Variants in GATAD2A observed in about 807,000 individuals in gnomAD.
GATAD2A encodes the protein transcriptional repressor p66-alpha.
In GATAD2A, 12 loss-of-function variants were observed where a neutral mutation model predicts 68.5. The ratio of observed to expected loss-of-function variants is 0.18; its 90% CI spans 0.11 to 0.28. The LOEUF is 0.28. GATAD2A is among the 10% of genes least tolerant of loss of function. GATAD2A has a pLI of 1.00. For synonymous variants in GATAD2A, 410 were observed against 375.3 expected (o/e 1.09, Z -1.07); for missense variants, 755 against 868.5 (o/e 0.87, Z 1.64).
upstream of GATAD2A, among the ~76,000 whole-genome samples, chr19:19,403,252 G>T (rs1348990365): frequency 6.6e-6 from 1 of 152,012 alleles, no homozygotes; most frequent in Non-Finnish European, 1.5e-5. Context: ...CCAGCACTGG[G>T]CACTGAGGCT....
At chr19:19,495,975 G>C in intron 6 of GATAD2A, 77 bp from the exon 7 acceptor site, 1 of 1,579,688 alleles carries the variant, frequency 6.3e-7, no homozygotes, top group Non-Finnish European at 8.7e-7. Context: ...TTGGGGGCAA[G>C]GTGCCCTGTG....
chr19:19,440,984 C>A (rs1234601139), intron 1 of GATAD2A, among the ~76,000 whole-genome samples: 1 of 103,678 alleles, frequency 9.6e-6, no homozygotes, highest in Non-Finnish European at 2.1e-5. Flanking sequence ...TCCTTTCCTT[C>A]CTTTCCTTCC....
At chr19:19,499,365 T>C (rs1227751325) in intron 8 of GATAD2A, among the ~76,000 whole-genome samples, 1 of 151,882 alleles carries the variant, frequency 6.6e-6, no homozygotes, top group Non-Finnish European at 1.5e-5. Flanking sequence ...GTGACACGAG[T>C]AGGCCAGGAG....
chr19:19,489,152 G>A (rs2059624163), intron 2 of GATAD2A, among the ~76,000 whole-genome samples: 1 of 152,166 alleles, frequency 6.6e-6, no homozygotes, highest in Non-Finnish European at 1.5e-5. Context: ...TTTCATTTTA[G>A]AAACTTAGAG....
chr19:19,451,888 C>G (rs2147830135), intron 1 of GATAD2A, among the ~76,000 whole-genome samples: 1 of 152,310 alleles, frequency 6.6e-6, no homozygotes, highest in East Asian at 1.9e-4. Context: ...CCCCTTTGCC[C>G]AGGCTGCAGT....
intron 2 of GATAD2A, among the ~76,000 whole-genome samples, chr19:19,469,842 G>C (rs542336920): frequency 6.6e-6 from 1 of 152,222 alleles, no homozygotes; most frequent in African/African-American, 2.4e-5. Context: ...AGCTACTTGG[G>C]AGGCTGAGGC....
intron 1 of GATAD2A, among the ~76,000 whole-genome samples, chr19:19,409,275 T>TC (rs989240914): frequency 2.6e-5 from 4 of 152,002 alleles, no homozygotes; most frequent in South Asian, 2.1e-4. Flanking sequence ...TCTAGACCTT[T>TC]CCCCCCCATA....
chr19:19,386,752 C>A (rs918920044), intron 1 of GATAD2A, among the ~76,000 whole-genome samples: 1 of 152,176 alleles, frequency 6.6e-6, no homozygotes, highest in Non-Finnish European at 1.5e-5. Context: ...GCTCCCCCGC[C>A]TCTCTGAGGA....
intron 2 of GATAD2A, among the ~76,000 whole-genome samples, chr19:19,476,777 G>A (rs2058703734): frequency 6.6e-6 from 1 of 152,194 alleles, no homozygotes; most frequent in Non-Finnish European, 1.5e-5. Context: ...GATCCCAGGT[G>A]GGACAGGCAG....
At chr19:19,464,440 C>T (rs1262790227) in intron 1 of GATAD2A, among the ~76,000 whole-genome samples, 4 of 152,216 alleles carry the variant, frequency 2.6e-5, no homozygotes, top group Non-Finnish European at 2.9e-5. Flanking sequence ...GTGTCCCAGA[C>T]CCTGCTGTGG....
intron 2 of GATAD2A, among the ~76,000 whole-genome samples, chr19:19,491,385 C>T (rs2059780424): frequency 6.6e-6 from 1 of 152,154 alleles, no homozygotes; most frequent in Non-Finnish European, 1.5e-5. Context: ...AGGTCAAGTT[C>T]ACAGGTGGAA....
chr19:19,495,673 A>G (rs937774672), intron 5 of GATAD2A, 81 bp from the exon 6 acceptor site: 37 of 961,748 alleles, frequency 3.8e-5, no homozygotes, highest in Non-Finnish European at 4.8e-5. Flanking sequence ...GTACTTTCAT[A>G]AAAGCAGCAA....
At chr19:19,393,131 C>G (rs927204255) in intron 1 of GATAD2A, among the ~76,000 whole-genome samples, 3 of 152,068 alleles carry the variant, frequency 2.0e-5, no homozygotes, top group Admixed American at 2.0e-4. Flanking sequence ...ATGGCAAAAC[C>G]CTGTCTACTA....
At chr19:19,427,006 TGAG>T (rs1189114336) in intron 1 of GATAD2A, among the ~76,000 whole-genome samples, 1 of 152,240 alleles carries the variant, frequency 6.6e-6, no homozygotes, top group South Asian at 2.1e-4. Context: ...GGCTCTGCCT[TGAG>T]GACATTATGC....
rs373125499 is a variant in GATAD2A at position 19,501,984 on chromosome 19, C to T, written c.1519C>T (p.Arg507Cys). The T allele has an allele frequency of 4.1e-5, 66 of 1,613,766 alleles. No homozygotes were observed. The highest frequency in any genetic ancestry group is 1.2e-4 in the African/African-American group (9 of 74,914). Residue 507 changes from arginine (R) to cysteine (C), a missense_variant, in exon 10 of 12, where the codon CGT (arginine) becomes TGT (cysteine). Transcript: ENST00000683918. ...PVLKQVIKPR[R>C]KLAFRSGEAR... is the part of the protein sequence containing the mutation. ...GTTTGTGTAGGTCATAAAACCCCGG[C>T]GTAAGTTGGCGTTCCGCTCAGGAGA...
intron 2 of GATAD2A, among the ~76,000 whole-genome samples, chr19:19,472,246 T>C (rs954195276): frequency 6.6e-6 from 1 of 152,200 alleles, no homozygotes; most frequent in Non-Finnish European, 1.5e-5. Flanking sequence ...TCCTGCACTT[T>C]CCTGTAGGGG....
chr19:19,401,198 G>GA (rs1053814622), upstream of GATAD2A, among the ~76,000 whole-genome samples: 6 of 107,046 alleles, frequency 5.6e-5, no homozygotes, highest in South Asian at 3.4e-4. Flanking sequence ...GTGATTAAAA[G>GA]AAAAAAAACT....
chr19:19,402,007 G>A (rs1313967683), upstream of GATAD2A: 2 of 152,116 alleles, frequency 1.3e-5, no homozygotes, highest in African/African-American at 2.4e-5. Context: ...TATTATTAGT[G>A]GGGTTTGGTC....
chr19:19,483,687 T>G (rs1378109389), intron 2 of GATAD2A, among the ~76,000 whole-genome samples: 1 of 150,918 alleles, frequency 6.6e-6, no homozygotes, highest in Non-Finnish European at 1.5e-5. Flanking sequence ...CAATCTCGGC[T>G]CACTGCAAAC....
Sources: allele counts gnomAD v4.1 joint callset (sites outside exome capture counted in the v4.1 genomes callset), GRCh38; gene constraint gnomAD v4.1.1; transcripts MANE v1.5; gene names NCBI Gene and HGNC (gene_info 2026-07-23, HGNC 2026-07-21).